FYB1: variants seen among roughly 807,000 people sequenced by gnomAD.
FYB1 encodes the protein FYN-binding protein 1.
FYB1 carries 41 observed loss-of-function variants against 94.1 expected under a neutral mutation model. That is an observed-to-expected ratio of 0.44 (90% CI 0.34 to 0.57). The LOEUF (loss-of-function observed/expected upper bound fraction) is 0.57, where lower values mean the gene tolerates loss of function less well. Among genes scored for constraint, FYB1 ranks in the 20% least tolerant of loss-of-function variants. The pLI, the probability that FYB1 is intolerant of heterozygous loss-of-function variation, is 0.02. For missense variants in FYB1, 1,050 were observed against 976.8 expected (o/e 1.07, Z -1.00); for synonymous variants, 367 against 353.2 (o/e 1.04, Z -0.44).
chr5:39,222,309 A>G (rs1215416091), upstream of FYB1, among the ~76,000 whole-genome samples: 1 of 152,092 alleles, frequency 6.6e-6, no homozygotes, highest in Non-Finnish European at 1.5e-5. Context: ...ACTGTGGCTT[A>G]TTTGTCCTGG....
chr5:39,150,757 C>T (rs1743180614), intron 3 of FYB1, among the ~76,000 whole-genome samples: 1 of 152,208 alleles, frequency 6.6e-6, no homozygotes, highest in African/African-American at 2.4e-5. Context: ...ACACTTCTCA[C>T]CACCTCCACT....
intron 1 of FYB1, among the ~76,000 whole-genome samples, chr5:39,259,008 G>A (rs925845677): frequency 7.2e-5 from 11 of 152,156 alleles, no homozygotes; most frequent in African/African-American, 1.7e-4. Flanking sequence ...GGACTAAATC[G>A]TATGTTGCTG....
intron 9 of FYB1, among the ~76,000 whole-genome samples, chr5:39,131,387 C>A (rs1409390302): frequency 6.6e-6 from 1 of 152,136 alleles, no homozygotes; most frequent in African/African-American, 2.4e-5. Flanking sequence ...ACCACGCCCA[C>A]TTTTACACCT....
chr5:39,124,198 T>C, intron 13 of FYB1, 55 bp downstream of exon 13: 2 of 1,231,840 alleles, frequency 1.6e-6, no homozygotes, highest in Middle Eastern at 1.9e-4. Context: ...GCTTTCCCAC[T>C]ACCACACTGC....
rs1426249270 is a variant in FYB1, at chr5:39,134,078, G to C, written c.1817+130C>G. 3.5e-5 allele frequency: 21 copies of C among 607,300 alleles called. No individual in the cohort carries two copies. In the Admixed American group the frequency reaches 5.4e-4, roughly 16 times the overall value. The allele number at this position is 607,300 out of a possible 1,614,324, so 37.6% of individuals were successfully genotyped here. On this transcript the variant is annotated intron_variant, in intron 9 of 18. Coordinates refer to ENST00000512982, the MANE Select transcript of FYB1 (RefSeq NM_001465.6). ...ACCTTTCACCCATGTTGGGGTTATT[G>C]TAAGTGGTCATTTAGTTTAGTGATA...
chr5:39,242,317 G>A (rs1399070233), intron 1 of FYB1, among the ~76,000 whole-genome samples: 1 of 133,750 alleles, frequency 7.5e-6, no homozygotes, highest in Non-Finnish European at 1.5e-5. Flanking sequence ...AGGCCCCAGT[G>A]TGTGATGTTC....
At position 39,200,055 on chromosome 5, in the gene FYB1, C is replaced by T. The variant is rs183674487; in HGVS notation, c.1135+1771G>A. Among the ~76,000 whole-genome samples, 658 of 152,200 alleles carry T rather than the reference C, an allele frequency of 4.3e-3. 1 individual carries two copies. The highest frequency in any genetic ancestry group is 7.2e-3 in the Non-Finnish European group (493 of 68,018). On this transcript the variant is annotated intron_variant, in intron 2 of 18. Coordinates refer to ENST00000512982, the MANE Select transcript of FYB1 (RefSeq NM_001465.6). ...TGGAGCATAATACATCTCAAGGCAT[C>T]AGATGTTGAGGGGGTTACACTGATG...
intron 1 of FYB1, among the ~76,000 whole-genome samples, chr5:39,233,817 C>G (rs1353362583): frequency 6.6e-6 from 1 of 152,072 alleles, no homozygotes; most frequent in African/African-American, 2.4e-5. Context: ...TCTTAATAGC[C>G]TTTTCAGATA....
Position 39,202,055 on chromosome 5 carries a change from T to C in FYB1, c.906A>G (p.Glu302=). The change falls in exon 2 of 19, where the codon GAA becomes GAG. Residue 302 remains glutamate, a synonymous_variant. Transcript: ENST00000512982. ...KNTFQSKINQ[E]ELASGTPPAR... is the part of the protein sequence containing the mutation. ...CAGGAGGAGTCCCTGAGGCCAACTCTTCCTGATTTATTTTGCTCTGGAAGG... is the reference window on the plus strand; with the variant it reads ...CAGGAGGAGTCCCTGAGGCCAACTCCTCCTGATTTATTTTGCTCTGGAAGG... 6.2e-7 allele frequency: 1 copy of C among 1,614,050 alleles called. No homozygotes were observed. The highest frequency in any genetic ancestry group is 8.5e-7 in the Non-Finnish European group (1 of 1,179,902).
At chr5:39,259,283 G>A (rs954180745) in intron 1 of FYB1, among the ~76,000 whole-genome samples, 2 of 152,178 alleles carry the variant, frequency 1.3e-5, no homozygotes, top group African/African-American at 2.4e-5. Flanking sequence ...AAAACTGCAG[G>A]AAACCCAGTT....
intron 2 of FYB1, among the ~76,000 whole-genome samples, chr5:39,191,184 A>G (rs1382290850): frequency 6.6e-6 from 1 of 152,180 alleles, no homozygotes; most frequent in Non-Finnish European, 1.5e-5. Context: ...GGTTGTAACT[A>G]ATCATATCGC....
intron 1 of FYB1, among the ~76,000 whole-genome samples, chr5:39,258,644 C>T (rs1377170416): frequency 6.6e-6 from 1 of 151,898 alleles, no homozygotes; most frequent in Non-Finnish European, 1.5e-5. Flanking sequence ...AACAAAAACC[C>T]AGAAGATATG....
chr5:39,178,603 C>T (rs916128230), intron 2 of FYB1, among the ~76,000 whole-genome samples: 1 of 151,750 alleles, frequency 6.6e-6, no homozygotes, highest in African/African-American at 2.4e-5. Flanking sequence ...TGGAGAGAGA[C>T]GAAAATAAAG....
At chr5:39,258,471 A>C (rs932456947) in intron 1 of FYB1, among the ~76,000 whole-genome samples, 1 of 152,100 alleles carries the variant, frequency 6.6e-6, no homozygotes, top group Non-Finnish European at 1.5e-5. Context: ...GTGGTGGTGC[A>C]TGTCTGTGAT....
At position 39,219,456 on chromosome 5, in the gene FYB1, A is replaced by T. The variant is rs1348839533; in HGVS notation, c.-41T>A. On this transcript the variant is annotated 5_prime_UTR_variant, in exon 1 of 19. Transcript: ENST00000512982. ...CATAGCTGTTACCTGACTCCTGCAG[A>T]AGAAGGCGGAAGGATGGCCTCCTTT... The T allele has an allele frequency of 1.0e-6, 1 of 985,428 alleles. No individual in the cohort carries two copies. Among genetic ancestry groups the T allele is most frequent in the Non-Finnish European group, 1.2e-6 (1 of 829,944 alleles). 61.0% of individuals were successfully genotyped at this position (985,428 alleles called of 1,614,324 possible).
intron 3 of FYB1, among the ~76,000 whole-genome samples, chr5:39,150,993 G>A (rs1743200731): frequency 6.6e-6 from 1 of 151,148 alleles, no homozygotes; most frequent in Non-Finnish European, 1.5e-5. Context: ...GGCTTACAAG[G>A]CCCTACATAA....
intron 2 of FYB1, among the ~76,000 whole-genome samples, chr5:39,191,285 C>A (rs959941168): frequency 1.3e-5 from 2 of 152,220 alleles, no homozygotes; most frequent in African/African-American, 4.8e-5. Context: ...GCGTGTCCCT[C>A]TTTACCTCCA....
intron 2 of FYB1, among the ~76,000 whole-genome samples, chr5:39,175,882 A>G (rs1745675999): frequency 6.6e-6 from 1 of 152,170 alleles, no homozygotes; most frequent in South Asian, 2.1e-4. Context: ...CAGGGAGTCT[A>G]AAATTCCTAT....
chr5:39,212,647 ACT>A (rs1175050017), intron 1 of FYB1: 1 of 152,108 alleles, frequency 6.6e-6, no homozygotes, highest in Non-Finnish European at 1.5e-5. Flanking sequence ...CAGAAACAAG[ACT>A]CTGTCATAAG....
Sources: gnomAD v4.1 joint callset for allele counts (sites outside exome capture counted in the v4.1 genomes callset) on GRCh38, gnomAD v4.1.1 for gene constraint, MANE v1.5 for transcripts, NCBI Gene and HGNC (gene_info 2026-07-23, HGNC 2026-07-21) for gene names.